MAP6: variants seen among roughly 807,000 people sequenced by gnomAD.
MAP6 encodes microtubule associated protein 6.
Under a neutral mutation model 42.4 loss-of-function variants are expected in MAP6, and 26 were observed. That is an observed-to-expected ratio of 0.61 (90% CI 0.45 to 0.85). The LOEUF is 0.85. Ranked by LOEUF, MAP6 falls within the 40% of genes least tolerant of loss-of-function variation. MAP6 has a pLI of 0.00. For synonymous variants in MAP6, 418 were observed against 443.8 expected, an observed-to-expected ratio of 0.94 and a Z score of 0.73; for missense variants, 966 against 1,099.0, an observed-to-expected ratio of 0.88 and a Z score of 1.71.
At chr11:75,588,467 T>C (rs1942408652) in intron 3 of MAP6, among the ~76,000 whole-genome samples, 1 of 152,146 alleles carries the variant, frequency 6.6e-6, no homozygotes, top group Non-Finnish European at 1.5e-5. Flanking sequence ...ATGGCAGTAC[T>C]GTAGCTGGAC....
In MAP6 at chr11:75,587,258, T is replaced by G; in HGVS notation, c.2243A>C (p.Asn748Thr). 6.2e-7 allele frequency: 1 copy of G among 1,614,092 alleles called. No homozygotes were observed. Among genetic ancestry groups the G allele is most frequent in the Non-Finnish European group, 8.5e-7 (1 of 1,179,994 alleles). Residue 748 changes from asparagine to threonine, a missense_variant, in exon 4 of 4, where the codon AAT becomes ACT. This residue lies in a region of MAP6 where 943 missense variants were observed against 1,049.9 expected (regional missense o/e 0.90). Coordinates refer to ENST00000304771, the MANE Select transcript of MAP6 (RefSeq NM_033063.2). ...QGRIVPEPLK[N>T]QVPIVPVPLK... ...AGGCACTGGGACTATAGGAACTTGA[T>G]TCTTCAGAGGTTCAGGGACTATACG... is the stretch of plus-strand genomic sequence containing the variant.
chr11:75,587,664 G>T lies in MAP6; in HGVS notation c.1837C>A (p.Pro613Thr). ...ACTATGGGACCTTCACCCTTGACAG[G>T]TGCTGGGACTATGGGACCTTGATCC... is the stretch of plus-strand genomic sequence containing the variant. ...VKDQGPIVPA[P>T]VKGEGPIVPA... Residue 613 changes from proline (P) to threonine (T), a missense_variant, in exon 4 of 4, where the codon CCT becomes ACT. Around this residue, in one of 2 missense-constraint regions of MAP6, gnomAD observed 943 missense variants for 1,049.9 expected, o/e 0.90. Coordinates refer to ENST00000304771, the MANE Select transcript of MAP6 (RefSeq NM_033063.2). 1 of 1,614,004 alleles carries T rather than the reference G, an allele frequency of 6.2e-7. No homozygotes were observed. The highest frequency in any genetic ancestry group is 8.5e-7 in the Non-Finnish European group (1 of 1,180,020).
chr11:75,637,936 G>T (rs1943398408), intron 1 of MAP6, among the ~76,000 whole-genome samples: 1 of 151,910 alleles, frequency 6.6e-6, no homozygotes, highest in Non-Finnish European at 1.5e-5. Flanking sequence ...AAGAAGGAAG[G>T]ATGGACAAAA....
chr11:75,619,869 A>G lies in MAP6; in HGVS notation c.906-11547T>C, dbSNP rs372296932. Among the ~76,000 whole-genome samples, 3 of 152,054 alleles carry G rather than the reference A, an allele frequency of 2.0e-5. No individual in the cohort carries two copies. In the East Asian group the frequency reaches 5.8e-4, roughly 29 times the overall value. ...TAATGGGATTGCTGGGTTGAATGGT[A>G]TTTCTGTCTTTAGGTCTCTAAGGAA... On this transcript the variant is annotated intron_variant, in intron 1 of 3. Transcript: ENST00000304771.
chr11:75,668,980 G>C lies in MAP6; in HGVS notation c.-611C>G, dbSNP rs1406464179. 5 of 170,820 alleles carry C rather than the reference G, an allele frequency of 2.9e-5. No homozygotes were observed. Among genetic ancestry groups the C allele is most frequent in the Non-Finnish European group, 6.3e-5 (5 of 79,454 alleles). 10.6% of individuals were successfully genotyped at this position (170,820 alleles called of 1,614,324 possible). A position where few individuals can be genotyped will look rare whatever the true frequency, so the allele number is the denominator to read the frequency against. On this transcript the variant is annotated 5_prime_UTR_variant, in exon 1 of 4. Coordinates refer to ENST00000304771, the MANE Select transcript of MAP6 (RefSeq NM_033063.2). ...GACCCCACCCTTTTCTGCAGCTCTC[G>C]GTCTCCGCCGCTGCCCGCGAATGAT...
At chr11:75,641,485 A>AT (rs934995573) in intron 1 of MAP6, among the ~76,000 whole-genome samples, 3 of 149,834 alleles carry the variant, frequency 2.0e-5, no homozygotes, top group Non-Finnish European at 4.5e-5. Flanking sequence ...AAGTATAATA[A>AT]AAAAAAAAAG....
intron 1 of MAP6, among the ~76,000 whole-genome samples, chr11:75,613,285 C>T (rs963705076): frequency 5.1e-4 from 78 of 152,186 alleles, no homozygotes; most frequent in African/African-American, 1.6e-3. Context: ...ACTTGCTTCT[C>T]GGTGGCATAG....
chr11:75,618,176 T>C (rs956083732), intron 1 of MAP6, among the ~76,000 whole-genome samples: 2 of 150,438 alleles, frequency 1.3e-5, no homozygotes, highest in South Asian at 2.1e-4. Context: ...AAAAATAACA[T>C]CATTTTATGA....
intron 1 of MAP6, among the ~76,000 whole-genome samples, chr11:75,652,458 T>A (rs1375501249): frequency 6.6e-6 from 1 of 152,188 alleles, no homozygotes; most frequent in Non-Finnish European, 1.5e-5. Context: ...CTAATCTTTC[T>A]AGGTCCAGCT....
intron 3 of MAP6, among the ~76,000 whole-genome samples, chr11:75,599,801 G>A (rs1311679553): frequency 6.6e-6 from 1 of 152,186 alleles, no homozygotes; most frequent in East Asian, 1.9e-4. Flanking sequence ...CTGGAAGCCT[G>A]GATTCCAGTG....
At chr11:75,619,781 G>T (rs1325411241) in intron 1 of MAP6, among the ~76,000 whole-genome samples, 1 of 152,198 alleles carries the variant, frequency 6.6e-6, no homozygotes, top group Non-Finnish European at 1.5e-5. Flanking sequence ...GTGCTGCGGT[G>T]AACATATACA....
Position 75,588,218 on chromosome 11 carries a change from T to A in MAP6, c.1317-34A>T, listed in dbSNP as rs558257145. On this transcript the variant is annotated intron_variant, in intron 3 of 3. Coordinates refer to ENST00000304771, the MANE Select transcript of MAP6 (RefSeq NM_033063.2). The stretch of plus-strand genomic sequence containing the variant: ...GAGAGAGAGGTGATCACTGTGAGAG[T>A]AGAGCTCAGGCAGGGACAGGGCAGA... 9 of 1,583,826 alleles carry A rather than the reference T, an allele frequency of 5.7e-6. No individual in the cohort carries two copies. The Middle Eastern group carries it at 6.9e-4, about 121-fold the overall frequency.
chr11:75,595,348 G>T (rs1416409255), intron 3 of MAP6, among the ~76,000 whole-genome samples: 1 of 152,142 alleles, frequency 6.6e-6, no homozygotes, highest in Non-Finnish European at 1.5e-5. Flanking sequence ...TTTGAAGGGG[G>T]CAGCAACTGG....
At chr11:75,613,266 G>A (rs986515758) in intron 1 of MAP6, among the ~76,000 whole-genome samples, 1 of 151,876 alleles carries the variant, frequency 6.6e-6, no homozygotes, top group African/African-American at 2.4e-5. Flanking sequence ...TGCCCTACAT[G>A]GGGCACACAC....
intron 1 of MAP6, among the ~76,000 whole-genome samples, chr11:75,620,813 T>C (rs146015872): frequency 2.0e-5 from 3 of 152,258 alleles, no homozygotes; most frequent in East Asian, 3.9e-4. Context: ...AAAAACCATA[T>C]GATCATCTCA....
intron 1 of MAP6, among the ~76,000 whole-genome samples, chr11:75,641,183 A>G (rs1023498684): frequency 2.0e-5 from 3 of 152,050 alleles, no homozygotes; most frequent in Non-Finnish European, 4.4e-5. Flanking sequence ...TGTCCTTTGT[A>G]GGGACATGGA....
Position 75,644,021 on chromosome 11 carries a change from G to A in MAP6, c.905+23444C>T, listed in dbSNP as rs542481960. Among the ~76,000 whole-genome samples, 9 of 152,298 alleles carry A rather than the reference G, an allele frequency of 5.9e-5. No individual in the cohort carries two copies. The East Asian group carries it at 9.6e-4, about 16-fold the overall frequency. On this transcript the variant is annotated intron_variant, in intron 1 of 3. Transcript: ENST00000304771. ...AACAATTCTATTCTTAGAGGTGCAT[G>A]GTTACAAACTTATTTTTCATTTTTT...
At chr11:75,607,783 T>A in intron 2 of MAP6, 1 of 530,912 alleles carries the variant, frequency 1.9e-6, no homozygotes, top group Non-Finnish European at 2.4e-6. Flanking sequence ...ACATCTATTT[T>A]AAGACAAGGG....
At chr11:75,627,613 G>A (rs1943219327) in intron 1 of MAP6, among the ~76,000 whole-genome samples, 1 of 152,200 alleles carries the variant, frequency 6.6e-6, no homozygotes, top group African/African-American at 2.4e-5. Context: ...TGATGATCGT[G>A]AAGGTAGATG....
Sources: gnomAD v4.1 joint callset for allele counts (sites outside exome capture counted in the v4.1 genomes callset) on GRCh38, gnomAD v4.1.1 for gene constraint, gnomAD v4.1.1 regional missense constraint, MANE v1.5 for transcripts, NCBI Gene and HGNC (gene_info 2026-07-23, HGNC 2026-07-21) for gene names.